CREBRF: variants seen among roughly 807,000 people sequenced by gnomAD.
CREBRF encodes CREB3 regulatory factor, also known as UPF0474 protein C5orf41.
A neutral mutation model predicts 66.1 loss-of-function variants in CREBRF; 5 were observed. The observed-to-expected ratio is 0.08, with a 90% CI of 0.04 to 0.16. CREBRF has a LOEUF of 0.16. Among genes scored for constraint, CREBRF ranks in the 10% least tolerant of loss-of-function variants. The pLI is 1.00. For synonymous variants in CREBRF, 229 were observed against 264.4 expected, an observed-to-expected ratio of 0.87 and a Z score of 1.30; for missense variants, 531 against 744.9, an observed-to-expected ratio of 0.71 and a Z score of 3.34.
At chr5:173,123,875 C>T (rs1759200424) in intron 8 of CREBRF, 1 of 152,204 alleles carries the variant, frequency 6.6e-6, no homozygotes, top group Non-Finnish European at 1.5e-5. Context: ...AGAGTAGACC[C>T]TAATCGCCAG....
chr5:173,092,393 C>G (rs928458022), intron 4 of CREBRF: 1 of 985,240 alleles, frequency 1.0e-6, no homozygotes. Context: ...AATGAAATCT[C>G]TGGGGGAACT....
chr5:173,128,373 G>A (rs182674107), intron 8 of CREBRF, among the ~76,000 whole-genome samples: 3 of 151,958 alleles, frequency 2.0e-5, no homozygotes, highest in East Asian at 3.9e-4. Flanking sequence ...AATGTTCTGC[G>A]GGAGTTTTAA....
At position 173,075,324 on chromosome 5, in the gene CREBRF, C is replaced by G. The variant is rs186980286; in HGVS notation, c.-191-5261C>G. Among the ~76,000 whole-genome samples, 50 of 152,264 alleles carry G rather than the reference C, an allele frequency of 3.3e-4. No individual in the cohort carries two copies. In the East Asian group the frequency reaches 9.3e-3, roughly 28 times the overall value. ...AGTTTTGGTTACAGGTTTCATATTA[C>G]ATAATAAAGGGAGAACTTGAGCCCC... On this transcript the variant is annotated intron_variant, in intron 1 of 8. Transcript: ENST00000296953.
intron 7 of CREBRF, among the ~76,000 whole-genome samples, chr5:173,114,684 A>G (rs542593000): frequency 2.6e-5 from 4 of 152,152 alleles, no homozygotes; most frequent in Admixed American, 6.6e-5. Flanking sequence ...TATACTACTC[A>G]TCTCATCCTA....
At chr5:173,103,703 C>T (rs1039370349) in intron 4 of CREBRF, among the ~76,000 whole-genome samples, 2 of 152,202 alleles carry the variant, frequency 1.3e-5, no homozygotes, top group African/African-American at 2.4e-5. Context: ...AGAGCCTTTT[C>T]TGTGGACAGG....
At chr5:173,102,788 T>C (rs384717) in intron 4 of CREBRF, among the ~76,000 whole-genome samples, 73,886 of 151,800 alleles carry the variant, frequency 0.49, 19,136 homozygotes, top group Non-Finnish European at 0.58. Flanking sequence ...GGGTGGGCCC[T>C]GAGCCTAGGT....
At chr5:173,082,014 T>TTTTTTTTTTTTTTTTG (rs1757966607) in intron 2 of CREBRF, among the ~76,000 whole-genome samples, 17 of 113,856 alleles carry the variant, frequency 1.5e-4, no homozygotes, top group Middle Eastern at 4.2e-3. Flanking sequence ...TTTTTTTTTT[T>TTTTTTTTTTTTTTTTG]TTTTTTTTTT....
chr5:173,107,486 C>G (rs1165361766), intron 4 of CREBRF, among the ~76,000 whole-genome samples: 1 of 152,104 alleles, frequency 6.6e-6, no homozygotes, highest in Non-Finnish European at 1.5e-5. Context: ...GAAAATACCC[C>G]CTTCTTAAAC....
intron 4 of CREBRF, among the ~76,000 whole-genome samples, chr5:173,093,395 A>G (rs1373262978): frequency 1.3e-5 from 2 of 152,208 alleles, no homozygotes; most frequent in Non-Finnish European, 1.5e-5. Context: ...ATGTTTTTAC[A>G]TATGTATACA....
chr5:173,062,998 CG>C (rs1392114035), intron 1 of CREBRF, among the ~76,000 whole-genome samples: 2 of 151,948 alleles, frequency 1.3e-5, no homozygotes, highest in African/African-American at 4.8e-5. Flanking sequence ...CCGCCCGCCT[CG>C]GCCTCCCAAA....
rs1232637708 is a variant in CREBRF, at chr5:173,134,290, A to G, written c.*545A>G. ...AATATATATATATATATATATATAT[A>G]CACACACACACACAAATGTCTGTGC... On this transcript the variant is annotated 3_prime_UTR_variant, in exon 9 of 9. Transcript: ENST00000296953. The G allele has an allele frequency of 8.7e-6, 1 of 114,732 alleles. No homozygotes were observed. The highest frequency in any genetic ancestry group is 1.6e-5 in the Non-Finnish European group (1 of 60,636). The allele number at this position is 114,732 out of a possible 1,614,324, so 7.1% of individuals were successfully genotyped here.
chr5:173,076,280 T>TA (rs1247939265), intron 1 of CREBRF, among the ~76,000 whole-genome samples: 1 of 152,184 alleles, frequency 6.6e-6, no homozygotes, highest in African/African-American at 2.4e-5. Context: ...ATGTCATTGA[T>TA]ACCTACCTCT....
At chr5:173,107,194 A>G (rs1434368358) in intron 4 of CREBRF, among the ~76,000 whole-genome samples, 1 of 152,336 alleles carries the variant, frequency 6.6e-6, no homozygotes, top group Admixed American at 6.5e-5. Flanking sequence ...TAGTTCCTCA[A>G]AGCAAACATA....
intron 4 of CREBRF, among the ~76,000 whole-genome samples, chr5:173,108,006 T>G (rs1331429790): frequency 1.3e-5 from 2 of 151,752 alleles, no homozygotes; most frequent in Non-Finnish European, 2.9e-5. Context: ...CTAATTTTTG[T>G]GTTTTTTAGT....
chr5:173,131,248 TCTAA>T (rs1186095294), intron 8 of CREBRF, among the ~76,000 whole-genome samples: 4 of 152,244 alleles, frequency 2.6e-5, no homozygotes, highest in Admixed American at 1.3e-4. Flanking sequence ...ATTCTTTGTC[TCTAA>T]CTATTTTAGC....
intron 2 of CREBRF, among the ~76,000 whole-genome samples, chr5:173,081,398 A>G (rs542412556): frequency 2.1e-4 from 32 of 152,276 alleles, no homozygotes; most frequent in African/African-American, 7.7e-4. Flanking sequence ...CTGCTTATCT[A>G]AACTCCTCCT....
chr5:173,083,344 C>T (rs192634995), intron 2 of CREBRF, among the ~76,000 whole-genome samples: 6 of 152,116 alleles, frequency 3.9e-5, no homozygotes, highest in East Asian at 1.9e-4. Context: ...TTGACTCTGG[C>T]GGGATTTGTA....
At chr5:173,120,168 G>C (rs960334171) in intron 7 of CREBRF, among the ~76,000 whole-genome samples, 1 of 151,920 alleles carries the variant, frequency 6.6e-6, no homozygotes, top group East Asian at 1.9e-4. Flanking sequence ...TGGCCTTATA[G>C]AATTAATTGG....
At chr5:173,098,793 A>G (rs1269376277) in intron 4 of CREBRF, among the ~76,000 whole-genome samples, 4 of 151,664 alleles carry the variant, frequency 2.6e-5, no homozygotes, top group Admixed American at 2.0e-4. Context: ...TACATTTACT[A>G]TGTATACAAC....
Sources: allele counts gnomAD v4.1 joint callset (sites outside exome capture counted in the v4.1 genomes callset), GRCh38; gene constraint gnomAD v4.1.1; transcripts MANE v1.5; gene names NCBI Gene and HGNC (gene_info 2026-07-23, HGNC 2026-07-21).